The following MGAT4C variants were observed in gnomAD, a reference collection of about 807,000 sequenced individuals.
MGAT4C encodes the protein alpha-1,3-mannosyl-glycoprotein 4-beta-N-acetylglucosaminyltransferase C.
Under a neutral mutation model 40.1 loss-of-function variants are expected in MGAT4C, and 19 were observed. The ratio of observed to expected loss-of-function variants is 0.47; its 90% CI spans 0.33 to 0.70. The LOEUF is 0.70. Ranked by LOEUF, MGAT4C falls within the 30% of genes least tolerant of loss-of-function variation. MGAT4C has a pLI of 0.02. For synonymous variants in MGAT4C, 181 were observed against 187.1 expected (o/e 0.97, Z 0.27); for missense variants, 491 against 563.2 (o/e 0.87, Z 1.30).
rs189400869 is a variant in MGAT4C at position 86,443,258 on chromosome 12, G to A, written c.-228-7993C>T. On this transcript the variant is annotated intron_variant, in intron 2 of 7. Coordinates refer to the MGAT4C transcript ENST00000548651. ...TGTAAATTTCTGTTGACACAATACC[G>A]TAATTATAGTTTCATGTTATTACAC... Among the ~76,000 whole-genome samples, 55 of 151,720 alleles carry A rather than the reference G, an allele frequency of 3.6e-4. No individual in the cohort carries two copies. The East Asian group carries it at 8.2e-3, about 23-fold the overall frequency.
intron 3 of MGAT4C, among the ~76,000 whole-genome samples, chr12:86,434,337 G>A (rs748284039): frequency 2.9e-4 from 44 of 151,626 alleles, no homozygotes; most frequent in Non-Finnish European, 1.0e-4. Context: ...ATTTCCATAG[G>A]GATTACATTG....
intron 1 of MGAT4C, among the ~76,000 whole-genome samples, chr12:86,837,056 T>C (rs1953051719): frequency 6.6e-6 from 1 of 152,104 alleles, no homozygotes; most frequent in East Asian, 1.9e-4. Flanking sequence ...GTGTATGTAG[T>C]TTCAGAGAGT....
intron 2 of MGAT4C, among the ~76,000 whole-genome samples, chr12:86,497,774 G>T (rs1565804648): frequency 6.7e-6 from 1 of 149,522 alleles, no homozygotes; most frequent in South Asian, 2.1e-4. Flanking sequence ...AATTAGCATG[G>T]TGATGCTTAT....
At chr12:86,326,874 A>G (rs1954541224) in intron 4 of MGAT4C, among the ~76,000 whole-genome samples, 1 of 152,160 alleles carries the variant, frequency 6.6e-6, no homozygotes, top group African/African-American at 2.4e-5. Flanking sequence ...TTAAACAATA[A>G]TAACAAAAAT....
intron 2 of MGAT4C, among the ~76,000 whole-genome samples, chr12:86,621,724 T>C (rs1045054840): frequency 6.6e-6 from 1 of 152,160 alleles, no homozygotes; most frequent in Admixed American, 6.6e-5. Context: ...GTGATCCTCC[T>C]ACCTCAGTCT....
intron 1 of MGAT4C, among the ~76,000 whole-genome samples, chr12:86,213,248 T>C (rs904545608): frequency 1.2e-5 from 1 of 83,520 alleles, no homozygotes; most frequent in East Asian, 4.0e-4. Flanking sequence ...GATAGAAACA[T>C]GCACTTGTCA....
chr12:86,197,317 A>G (rs1437489104), intron 1 of MGAT4C, among the ~76,000 whole-genome samples: 1 of 152,230 alleles, frequency 6.6e-6, no homozygotes, highest in African/African-American at 2.4e-5. Context: ...ATCTGTATAT[A>G]TGTATGTGTG....
At chr12:86,344,965 T>C (rs1228618309) in intron 3 of MGAT4C, among the ~76,000 whole-genome samples, 1 of 152,206 alleles carries the variant, frequency 6.6e-6, no homozygotes, top group African/African-American at 2.4e-5. Flanking sequence ...GTATTTTCTA[T>C]AAACACTCCT....
intron 4 of MGAT4C, among the ~76,000 whole-genome samples, chr12:86,283,600 C>G (rs879844216): frequency 6.6e-6 from 1 of 152,044 alleles, no homozygotes; most frequent in Non-Finnish European, 1.5e-5. Context: ...AATATAATAA[C>G]TTAGCATTTC....
chr12:86,119,432 T>C (rs532125696), intron 1 of MGAT4C, among the ~76,000 whole-genome samples: 2 of 152,236 alleles, frequency 1.3e-5, no homozygotes, highest in African/African-American at 4.8e-5. Context: ...TCCTTTTTTT[T>C]CTTTTTTTCT....
chr12:86,611,264 GCAC>G (rs1417250483), intron 2 of MGAT4C, among the ~76,000 whole-genome samples: 5 of 151,974 alleles, frequency 3.3e-5, no homozygotes, highest in Non-Finnish European at 7.4e-5. Flanking sequence ...AAAATTTTGT[GCAC>G]CTTCCCTGAA....
At chr12:86,506,533 A>C (rs941063314) in intron 2 of MGAT4C, among the ~76,000 whole-genome samples, 2 of 152,226 alleles carry the variant, frequency 1.3e-5, no homozygotes, top group Non-Finnish European at 2.9e-5. Context: ...AAGAGAAAGT[A>C]GATATTTCTA....
intron 2 of MGAT4C, among the ~76,000 whole-genome samples, chr12:86,482,555 G>T (rs112907860): frequency 2.0e-5 from 3 of 151,996 alleles, no homozygotes; most frequent in Non-Finnish European, 2.9e-5. Context: ...CCTTCTAAAT[G>T]TATATGTTGT....
intron 2 of MGAT4C, among the ~76,000 whole-genome samples, chr12:86,460,557 A>C (rs1431935310): frequency 6.6e-6 from 1 of 152,154 alleles, no homozygotes; most frequent in Non-Finnish European, 1.5e-5. Context: ...TTTTTCTGAA[A>C]GACTTCATAT....
At chr12:86,792,240 T>G (rs1952035395) in intron 1 of MGAT4C, among the ~76,000 whole-genome samples, 1 of 152,216 alleles carries the variant, frequency 6.6e-6, no homozygotes, top group South Asian at 2.1e-4. Flanking sequence ...AAAGATAGTT[T>G]TGAATTGATA....
At chr12:86,221,186 T>C (rs1950864179) in intron 1 of MGAT4C, among the ~76,000 whole-genome samples, 1 of 152,164 alleles carries the variant, frequency 6.6e-6, no homozygotes, top group African/African-American at 2.4e-5. Flanking sequence ...TTGTTAAATT[T>C]AATTCTGTTT....
chr12:86,233,040 T>G (rs1379835823), intron 1 of MGAT4C, among the ~76,000 whole-genome samples: 1 of 152,202 alleles, frequency 6.6e-6, no homozygotes, highest in Non-Finnish European at 1.5e-5. Context: ...GGTGAAAAGA[T>G]TCAATGAGGC....
rs55902338 is a variant in MGAT4C, at chr12:86,420,776, C to CATATATAT, written c.-120+14373_-120+14380dup. The stretch of plus-strand genomic sequence containing the variant: ...AAATCAAGAATAAATATTTACCTGA[C>CATATATAT]ATATATATATATATATATACACACA... On this transcript the variant is annotated intron_variant, in intron 3 of 7. Transcript: ENST00000548651. Among the ~76,000 whole-genome samples, 263 of 144,190 alleles carry CATATATAT rather than the reference C, an allele frequency of 1.8e-3. 2 individuals carry two copies. Among genetic ancestry groups the CATATATAT allele is most frequent in the African/African-American group, 6.1e-3 (237 of 38,758 alleles). 94.6% of individuals were successfully genotyped at this position (144,190 alleles called of 152,430 possible).
chr12:86,066,673 C>A (rs1894574298), intron 1 of MGAT4C, among the ~76,000 whole-genome samples: 1 of 152,070 alleles, frequency 6.6e-6, no homozygotes, highest in Admixed American at 6.6e-5. Flanking sequence ...GACTAAAACA[C>A]CAAAAGAAAT....
Sources: allele counts gnomAD v4.1 joint callset (sites outside exome capture counted in the v4.1 genomes callset), GRCh38; gene constraint gnomAD v4.1.1; transcripts MANE v1.5; gene names NCBI Gene and HGNC (gene_info 2026-07-23, HGNC 2026-07-21).